The following ADAMTS18 variants were observed in gnomAD, a reference collection of about 807,000 sequenced individuals.
ADAMTS18 encodes A disintegrin and metalloproteinase with thrombospondin motifs 18.
ADAMTS18 carries 157 observed loss-of-function variants against 165.9 expected under a neutral mutation model. The observed-to-expected ratio is 0.95, with a 90% CI of 0.83 to 1.08. The LOEUF (loss-of-function observed/expected upper bound fraction) is 1.08, where lower values mean the gene tolerates loss of function less well. Ranked by LOEUF, ADAMTS18 falls within the 50% of genes least tolerant of loss-of-function variation. The probability of loss-of-function intolerance (pLI) is 0.00; values close to 1 mark genes in which losing one functional copy is unlikely to be tolerated. For missense variants in ADAMTS18, 2,040 were observed against 1,534.0 expected (o/e 1.33, Z -5.51); for synonymous variants, 782 against 578.2 (o/e 1.35, Z -5.06).
intron 12 of ADAMTS18, among the ~76,000 whole-genome samples, chr16:77,327,265 T>C (rs1022485902): frequency 5.9e-5 from 9 of 152,310 alleles, no homozygotes; most frequent in African/African-American, 2.2e-4. Context: ...ATTTCTGAGA[T>C]TTTTGTGCAC....
chr16:77,290,835 C>T (rs1597080784), intron 21 of ADAMTS18: 11 of 235,292 alleles, frequency 4.7e-5, no homozygotes, highest in South Asian at 3.9e-4. Flanking sequence ...TACTTAGCAC[C>T]GTGCATAGTA....
intron 3 of ADAMTS18, among the ~76,000 whole-genome samples, chr16:77,420,426 GC>G (rs2057587047): frequency 6.6e-6 from 1 of 152,062 alleles, no homozygotes; most frequent in South Asian, 2.1e-4. Flanking sequence ...AGATGTTTGG[GC>G]CCCATCCTCA....
At chr16:77,376,774 G>A (rs1251791030) in intron 3 of ADAMTS18, among the ~76,000 whole-genome samples, 1 of 130,618 alleles carries the variant, frequency 7.7e-6, no homozygotes, top group Non-Finnish European at 1.7e-5. Context: ...GTGAACAGGT[G>A]TTTTCTATTT....
chr16:77,367,767 C>G (rs989187822), intron 3 of ADAMTS18, 44 bp from the exon 4 acceptor site: 16 of 1,613,466 alleles, frequency 9.9e-6, no homozygotes, highest in Non-Finnish European at 1.4e-5. Context: ...TTCCATGCAT[C>G]CCTGTGCCAA....
At chr16:77,401,064 T>C (rs750400065) in intron 3 of ADAMTS18, among the ~76,000 whole-genome samples, 1 of 152,002 alleles carries the variant, frequency 6.6e-6, no homozygotes, top group Non-Finnish European at 1.5e-5. Flanking sequence ...GAGACCAGCC[T>C]GGCCAACATG....
intron 20 of ADAMTS18, among the ~76,000 whole-genome samples, chr16:77,292,393 A>G (rs964112070): frequency 1.1e-4 from 17 of 152,084 alleles, no homozygotes; most frequent in Non-Finnish European, 2.2e-4. Context: ...TCCCTTCTTT[A>G]CTAAATGTGC....
In ADAMTS18 at chr16:77,376,809, C is replaced by CTTTT. The variant is rs549942617; in HGVS notation, c.496-9090_496-9087dup. Among the ~76,000 whole-genome samples the CTTTT allele has an allele frequency of 2.8e-3, 288 of 103,454 alleles. 6 individuals are homozygous for CTTTT. The highest frequency in any genetic ancestry group is 6.4e-3 in the African/African-American group (172 of 26,884). 67.9% of individuals were successfully genotyped at this position (103,454 alleles called of 152,430 possible). ...TTAGATTTCAAGGGCCTAAATCATT[C>CTTTT]TTTTTTTTTTTTTTTTTTTTTTTGA... On this transcript the variant is annotated intron_variant, in intron 3 of 22. Coordinates refer to ENST00000282849, the MANE Select transcript of ADAMTS18 (RefSeq NM_199355.4).
chr16:77,384,024 G>A (rs1316606304), intron 3 of ADAMTS18, among the ~76,000 whole-genome samples: 1 of 151,966 alleles, frequency 6.6e-6, no homozygotes, highest in Non-Finnish European at 1.5e-5. Flanking sequence ...TTCCTTCTGT[G>A]TTTACTGTTC....
intron 12 of ADAMTS18, among the ~76,000 whole-genome samples, chr16:77,335,255 C>G (rs1348928860): frequency 6.7e-6 from 1 of 148,952 alleles, no homozygotes; most frequent in Non-Finnish European, 1.5e-5. Context: ...ATTGTATCTT[C>G]TCCCATGTGA....
At chr16:77,344,942 C>A (rs1036520046) in intron 10 of ADAMTS18, among the ~76,000 whole-genome samples, 14 of 152,220 alleles carry the variant, frequency 9.2e-5, no homozygotes, top group Non-Finnish European at 1.5e-4. Context: ...TACCTCCCCC[C>A]TCTTTTTACC....
At chr16:77,328,182 C>G (rs2056127337) in intron 12 of ADAMTS18, among the ~76,000 whole-genome samples, 1 of 151,922 alleles carries the variant, frequency 6.6e-6, no homozygotes, top group Non-Finnish European at 1.5e-5. Context: ...AACCAGAAAG[C>G]AAAATAAAGG....
chr16:77,368,183 A>G (rs1354064496), intron 3 of ADAMTS18, among the ~76,000 whole-genome samples: 3 of 152,054 alleles, frequency 2.0e-5, no homozygotes, highest in East Asian at 1.9e-4. Context: ...CCCATTTACA[A>G]AGGAGAAAAT....
In ADAMTS18 at chr16:77,428,213, T is replaced by C. The variant is rs1055235567; in HGVS notation, c.495+3082A>G. 6.6e-5 allele frequency among the ~76,000 whole-genome samples: 10 copies of C among 152,154 alleles called. No individual in the cohort carries two copies. In the South Asian group the frequency reaches 1.2e-3, roughly 19 times the overall value. On this transcript the variant is annotated intron_variant, in intron 3 of 22. Coordinates refer to ENST00000282849, the MANE Select transcript of ADAMTS18 (RefSeq NM_199355.4). The stretch of plus-strand genomic sequence containing the variant: ...CATCTCTTCTCGGTCTCTGTATTAA[T>C]AGGAGAAGGGTGGCTGTCTCTCCTG...
Position 77,335,785 on chromosome 16 carries a change from C to T in ADAMTS18, c.1830G>A (p.Lys610=), listed in dbSNP as rs146655130. The change falls in exon 12 of 23, where the codon AAG becomes AAA. Residue 610 remains lysine, a synonymous_variant. Transcript: ENST00000282849. The stretch of plus-strand genomic sequence containing the variant: ...GGTTATTGCAGTGTCTCTCCTGGAA[C>T]TTGACTCCTCCACCACATGTCCGGG... The part of the protein sequence containing the change: ...ECSRTCGGGV[K]FQERHCNNPK... The T allele has an allele frequency of 5.0e-6, 8 of 1,614,108 alleles. No individual in the cohort carries two copies. In the Admixed American group the frequency reaches 1.3e-4, roughly 27 times the overall value.
chr16:77,386,463 T>C (rs889706064), intron 3 of ADAMTS18, among the ~76,000 whole-genome samples: 4 of 152,186 alleles, frequency 2.6e-5, no homozygotes, highest in African/African-American at 4.8e-5. Context: ...TGTCATTTCA[T>C]CCAATTTTTC....
intron 3 of ADAMTS18, among the ~76,000 whole-genome samples, chr16:77,368,296 G>C (rs2056828015): frequency 6.6e-6 from 1 of 152,172 alleles, no homozygotes; most frequent in African/African-American, 2.4e-5. Flanking sequence ...TGATGTTTGT[G>C]CCTGAAGGGC....
Position 77,291,213 on chromosome 16 carries a change from C to T in ADAMTS18, c.3402+53G>A. 6 of 1,596,754 alleles carry T rather than the reference C, an allele frequency of 3.8e-6. No individual in the cohort carries two copies. In the East Asian group the frequency reaches 6.7e-5, roughly 18 times the overall value. ...AAGAGCAACTGTTTGCAGAACGCCT[C>T]ATTTTTCGACATCTCACTTGAATAG... On this transcript the variant is annotated intron_variant, in intron 21 of 22. Transcript: ENST00000282849.
Position 77,283,843 on chromosome 16 carries a change from C to T in ADAMTS18, c.*113G>A, listed in dbSNP as rs549233969. On this transcript the variant is annotated 3_prime_UTR_variant, in exon 23 of 23. Transcript: ENST00000282849. ...CTCAGAGCAGGCTCCTTCATCACAG[C>T]GGCAGCTCACAGATGGTTCTCGGTG... 75 of 810,764 alleles carry T rather than the reference C, an allele frequency of 9.3e-5. No homozygotes were observed. The highest frequency in any genetic ancestry group is 4.6e-4 in the African/African-American group (27 of 58,908). The allele number at this position is 810,764 out of a possible 1,614,324, so 50.2% of individuals were successfully genotyped here.
At chr16:77,425,727 T>C (rs536912474) in intron 3 of ADAMTS18, among the ~76,000 whole-genome samples, 1 of 152,044 alleles carries the variant, frequency 6.6e-6, no homozygotes, top group Non-Finnish European at 1.5e-5. Context: ...GTACAAGATG[T>C]TGATGGAAGT....
Sources: gnomAD v4.1 joint callset for allele counts (sites outside exome capture counted in the v4.1 genomes callset) on GRCh38, gnomAD v4.1.1 for gene constraint, MANE v1.5 for transcripts, NCBI Gene and HGNC (gene_info 2026-07-23, HGNC 2026-07-21) for gene names.